VPS13D: variants seen among roughly 807,000 people sequenced by gnomAD.
VPS13D encodes vacuolar protein sorting 13 homolog D, also known as intermembrane lipid transfer protein VPS13D.
A neutral mutation model predicts 461.9 loss-of-function variants in VPS13D; 187 were observed. The observed-to-expected ratio is 0.40, with a 90% CI of 0.36 to 0.46. The LOEUF (loss-of-function observed/expected upper bound fraction) is 0.46, where lower values mean the gene tolerates loss of function less well. Among genes scored for constraint, VPS13D ranks in the 20% least tolerant of loss-of-function variants. The pLI is 0.60. For missense variants in VPS13D, 4,711 were observed against 5,364.9 expected, an observed-to-expected ratio of 0.88 and a Z score of 3.81; for synonymous variants, 1,951 against 1,986.3, an observed-to-expected ratio of 0.98 and a Z score of 0.47.
intron 55 of VPS13D, among the ~76,000 whole-genome samples, chr1:12,374,524 T>C (rs1235993341): frequency 6.6e-6 from 1 of 152,248 alleles, no homozygotes; most frequent in Non-Finnish European, 1.5e-5. Context: ...TAAGAAGGTG[T>C]GTGGTAGCCT....
At chr1:12,333,092 T>G in intron 37 of VPS13D, 134 bp from the exon 38 acceptor site, 1 of 1,081,834 alleles carries the variant, frequency 9.2e-7, no homozygotes, top group Non-Finnish European at 1.3e-6. Flanking sequence ...GGTTGGTGCT[T>G]TTGTTGTGAA....
At chr1:12,291,859 G>A (rs1030611045) in intron 23 of VPS13D, among the ~76,000 whole-genome samples, 1 of 152,150 alleles carries the variant, frequency 6.6e-6, no homozygotes, top group Admixed American at 6.5e-5. Flanking sequence ...GGTTGTTGAG[G>A]TTATGAGTTC....
chr1:12,310,569 A>T (rs1405282460), intron 27 of VPS13D, among the ~76,000 whole-genome samples: 1 of 152,146 alleles, frequency 6.6e-6, no homozygotes, highest in Non-Finnish European at 1.5e-5. Context: ...CTCATGTCCC[A>T]TCTGGGCTCA....
rs766853349 is a variant in VPS13D at position 12,311,582 on chromosome 1, A to C, written c.6779A>C (p.Glu2260Ala). The C allele has an allele frequency of 8.1e-6, 13 of 1,614,204 alleles. No homozygotes were observed. The highest frequency in any genetic ancestry group is 1.0e-5 in the Non-Finnish European group (12 of 1,180,028). The change falls in exon 28 of 70, where the codon GAG (glutamate) becomes GCG (alanine). Residue 2260 changes from glutamate (E) to alanine (A), a missense_variant. By Grantham distance (107) the Glu-to-Ala change is moderately radical. Transcript: ENST00000620676. ...GAGAACAACCTGGGAGAACCCATAG[A>C]GGAATTTATGCGGCCTTATGATTTA... is the stretch of plus-strand genomic sequence containing the variant. ...LLENNLGEPI[E>A]EFMRPYDLQD...
intron 65 of VPS13D, among the ~76,000 whole-genome samples, chr1:12,435,779 A>G (rs928408417): frequency 2.0e-5 from 3 of 151,880 alleles, no homozygotes; most frequent in Admixed American, 6.6e-5. Context: ...GTAAGGCTGT[A>G]TTATCAAGGG....
At position 12,356,500 on chromosome 1, in the gene VPS13D, A is replaced by C. The variant is rs952497839; in HGVS notation, c.9974A>C (p.Tyr3325Ser). 2 of 1,613,950 alleles carry C rather than the reference A, an allele frequency of 1.2e-6. No individual in the cohort carries two copies. Among genetic ancestry groups the C allele is most frequent in the Non-Finnish European group, 1.7e-6 (2 of 1,179,960 alleles). Residue 3325 changes from tyrosine to serine, a missense_variant, in exon 49 of 70, where the codon TAT becomes TCT. Coordinates refer to ENST00000620676, the MANE Select transcript of VPS13D (RefSeq NM_015378.4). ...ARSLSPLLFC[Y>S]ADKEQPNLCT... ...AGCCTGAGTCCTCTCTTATTCTGCT[A>C]TGCTGACAAAGAGCAGCCAAACCTG... is the stretch of plus-strand genomic sequence containing the variant.
chr1:12,380,221 G>T (rs904779610), intron 57 of VPS13D, among the ~76,000 whole-genome samples: 1 of 151,562 alleles, frequency 6.6e-6, no homozygotes, highest in Non-Finnish European at 1.5e-5. Context: ...ATTTTAAAAA[G>T]AAAAAAATTA....
At chr1:12,382,863 A>G (rs987415998) in intron 57 of VPS13D, 113 bp from the exon 58 acceptor site, 4 of 963,976 alleles carry the variant, frequency 4.1e-6, no homozygotes, top group South Asian at 3.4e-5. Context: ...CACATTGATC[A>G]TGACCCTCCA....
At chr1:12,432,804 A>C (rs1221510126) in intron 65 of VPS13D, among the ~76,000 whole-genome samples, 3 of 152,046 alleles carry the variant, frequency 2.0e-5, no homozygotes, top group Non-Finnish European at 4.4e-5. Context: ...TATGTTGCTC[A>C]GGCTGGTCTC....
chr1:12,278,161 T>A, intron 19 of VPS13D, 123 bp downstream of exon 19: 2 of 1,077,348 alleles, frequency 1.9e-6, no homozygotes, highest in Non-Finnish European at 2.6e-6. Flanking sequence ...AGTTAATATT[T>A]AAGAAATCAA....
chr1:12,445,795 C>T (rs1185530785), intron 65 of VPS13D, among the ~76,000 whole-genome samples: 1 of 152,198 alleles, frequency 6.6e-6, no homozygotes, highest in Admixed American at 6.5e-5. Context: ...TGAGACAGGA[C>T]TTAATTTAAG....
chr1:12,256,220 G>A (rs1172536205), intron 7 of VPS13D, 113 bp from the exon 8 acceptor site: 1 of 1,234,482 alleles, frequency 8.1e-7, no homozygotes, highest in Admixed American at 2.3e-5. Context: ...TTGCCGCTGT[G>A]ACACAGCCTA....
At position 12,404,003 on chromosome 1, in the gene VPS13D, G is replaced by C. The variant is rs372703445; in HGVS notation, c.12030+30G>C. The stretch of plus-strand genomic sequence containing the variant: ...GCTGCTATTTGGGTAAATTTTTTTA[G>C]ATGATTTTTCCTTGGAAAAGAATGA... On this transcript the variant is annotated intron_variant, in intron 63 of 69. Coordinates refer to ENST00000620676, the MANE Select transcript of VPS13D (RefSeq NM_015378.4). 1.9e-6 allele frequency: 3 copies of C among 1,564,010 alleles called. No homozygotes were observed. In the African/African-American group the frequency reaches 4.2e-5, roughly 22 times the overall value.
At chr1:12,293,368 G>GTAAT (rs1312097245) in intron 23 of VPS13D, among the ~76,000 whole-genome samples, 156 bp from the exon 24 acceptor site, 1 of 152,176 alleles carries the variant, frequency 6.6e-6, no homozygotes, top group Non-Finnish European at 1.5e-5. Flanking sequence ...TACAAAAGGA[G>GTAAT]TAATTATTAG....
intron 60 of VPS13D, among the ~76,000 whole-genome samples, chr1:12,388,578 G>T (rs541953491): frequency 7.3e-4 from 107 of 146,928 alleles, no homozygotes; most frequent in African/African-American, 2.6e-3. Context: ...TGTCTCAGGG[G>T]GAAAAAAAAA....
intron 47 of VPS13D, 33 bp downstream of exon 47, chr1:12,354,254 A>T (rs1252532487): frequency 6.2e-7 from 1 of 1,606,416 alleles, no homozygotes; most frequent in Non-Finnish European, 8.5e-7. Flanking sequence ...ATTTGTCATA[A>T]TCCTATGAAA....
intron 63 of VPS13D, among the ~76,000 whole-genome samples, chr1:12,414,807 A>G (rs1367172835): frequency 6.6e-6 from 1 of 152,170 alleles, no homozygotes; most frequent in Non-Finnish European, 1.5e-5. Flanking sequence ...AAACATGACA[A>G]ACAGATACAA....
At chr1:12,308,301 C>A in intron 26 of VPS13D, 130 bp from the exon 27 acceptor site, 1 of 929,284 alleles carries the variant, frequency 1.1e-6, no homozygotes, top group Non-Finnish European at 1.6e-6. Flanking sequence ...GAGTAGTGGA[C>A]AGTGTGGGGA....
chr1:12,498,864 C>T (rs1321131581), intron 68 of VPS13D, among the ~76,000 whole-genome samples: 1 of 152,080 alleles, frequency 6.6e-6, no homozygotes, highest in Admixed American at 6.5e-5. Context: ...AGCTCAGGGC[C>T]CCAACCTTAT....
Sources: allele counts gnomAD v4.1 joint callset (sites outside exome capture counted in the v4.1 genomes callset), GRCh38; gene constraint gnomAD v4.1.1; transcripts MANE v1.5; gene names NCBI Gene and HGNC (gene_info 2026-07-23, HGNC 2026-07-21).